Variants in TYMP observed in about 807,000 individuals in gnomAD.
The protein encoded by TYMP is gliostatin.
A neutral mutation model predicts 42.3 loss-of-function variants in TYMP; 46 were observed. That is an observed-to-expected ratio of 1.09 (90% CI 0.86 to 1.39). The LOEUF is 1.39. Among genes scored for constraint, TYMP ranks in the 40% most tolerant of loss-of-function variants. The pLI is 0.00. For missense variants in TYMP, 837 were observed against 677.6 expected (o/e 1.24, Z -2.61); for synonymous variants, 363 against 308.0 (o/e 1.18, Z -1.87).
Position 50,526,131 on chromosome 22 carries a change from C to T in TYMP, c.1170G>A (p.Glu390=), listed in dbSNP as rs863224248. 1.5e-5 allele frequency: 22 copies of T among 1,488,364 alleles called. No homozygotes were observed. Among genetic ancestry groups the T allele is most frequent in the Non-Finnish European group, 2.0e-5 (22 of 1,127,054 alleles). 92.2% of individuals were successfully genotyped at this position (1,488,364 alleles called of 1,614,324 possible). A position where few individuals can be genotyped will look rare whatever the true frequency, so the allele number is the denominator to read the frequency against. ...ELLAPADGTV[E]LVRALPLALV... ...GCGCCAGCGGCAGCGCCCGGACCAG[C>T]TCCACGGTGCCTGCGGGGAGAGGGG... Residue 390 remains glutamate, a synonymous_variant, in exon 9 of 10, where the codon GAG becomes GAA. Coordinates refer to ENST00000252029, the MANE Select transcript of TYMP (RefSeq NM_001953.5).
intron 7 of TYMP, 28 bp from the exon 8 acceptor site, chr22:50,526,504 G>T (rs1396138516): frequency 6.6e-7 from 1 of 1,521,708 alleles, no homozygotes; most frequent in Admixed American, 2.0e-5. Context: ...TCTTAGGCGC[G>T]GCCGGGTCGG....
chr22:50,528,077 T>C (rs2069461508), intron 4 of TYMP: 1 of 394,342 alleles, frequency 2.5e-6, no homozygotes, highest in East Asian at 6.1e-5. Flanking sequence ...AGTGGCATCG[T>C]CCCGGCTCAC....
In TYMP at chr22:50,526,639, C is replaced by T. The variant is rs946234163; in HGVS notation, c.865G>A (p.Glu289Lys). 2.5e-6 allele frequency: 4 copies of T among 1,569,858 alleles called. No homozygotes were observed. Among genetic ancestry groups the T allele is most frequent in the South Asian group, 1.2e-5 (1 of 85,902 alleles). Residue 289 changes from glutamate to lysine, a missense_variant, in exon 7 of 10, where the codon GAG becomes AAG. By Grantham distance (56) the Glu-to-Lys change is moderately conservative (BLOSUM62 1). Transcript: ENST00000252029. ...GCGCCGTCCATGCAGAGCAGCGCCTCCTCCACCTCCAGGGCGTGGCCCACG... is the reference window on the plus strand; with the variant it reads ...GCGCCGTCCATGCAGAGCAGCGCCTTCTCCACCTCCAGGGCGTGGCCCACG... ...RCVGHALEVE[E>K]ALLCMDGAGP...
intron 7 of TYMP, 37 bp downstream of exon 7, chr22:50,526,539 C>T: frequency 6.5e-7 from 1 of 1,545,618 alleles, no homozygotes; most frequent in African/African-American, 1.4e-5. Context: ...GAAGCACCCC[C>T]CGCCGCCTCC....
chr22:50,529,379 G>A (rs376211586), intron 2 of TYMP, 41 bp from the exon 3 acceptor site: 3 of 1,609,354 alleles, frequency 1.9e-6, no homozygotes, highest in Non-Finnish European at 1.7e-6. Flanking sequence ...AGCCCACAGC[G>A]GTGGGGCACC....
chr22:50,526,743 G>A lies in TYMP; in HGVS notation c.766-5C>T, dbSNP rs1444378404. ...TAGGCTGGCTCCCACGCCAACCTGCGGAGAGGAGGCTCAGCGTGGACCCCC... is the reference window on the plus strand; with the variant it reads ...TAGGCTGGCTCCCACGCCAACCTGCAGAGAGGAGGCTCAGCGTGGACCCCC... On this transcript the variant is annotated splice_polypyrimidine_tract_variant and splice_region_variant and intron_variant, in intron 6 of 9. Transcript: ENST00000252029. 2.0e-6 allele frequency: 3 copies of A among 1,534,906 alleles called. No individual in the cohort carries two copies. Among genetic ancestry groups the A allele is most frequent in the African/African-American group, 2.7e-5 (2 of 72,996 alleles).
intron 4 of TYMP, chr22:50,527,968 T>C: frequency 1.9e-6 from 1 of 516,016 alleles, no homozygotes; most frequent in Admixed American, 3.5e-5. Context: ...TTTGTAGAGA[T>C]CAAGTTTCAC....
Position 50,529,317 on chromosome 22 carries a change from C to G in TYMP, c.236G>C (p.Arg79Pro), listed in dbSNP as rs751450304. The G allele has an allele frequency of 1.2e-6, 2 of 1,613,230 alleles. No individual in the cohort carries two copies. The highest frequency in any genetic ancestry group is 2.7e-5 in the African/African-American group (2 of 74,928). Residue 79 changes from arginine (R) to proline (P), a missense_variant, in exon 3 of 10, where the codon CGA becomes CCA. Physicochemically the swap from Arg to Pro is moderately radical, Grantham distance 103. Coordinates refer to ENST00000252029, the MANE Select transcript of TYMP (RefSeq NM_001953.5). ...CTCCTCCAGATCCATGCCCCGAAGT[C>G]GGATGGCCATCAGCATGGCCCCTGG... ...AQIGAMLMAIRLRGMDLEETS... is the reference protein window; with the variant it reads ...AQIGAMLMAIPLRGMDLEETS...
In TYMP at chr22:50,529,721, T is replaced by A; in HGVS notation, c.-10-2A>T. 1 of 1,603,848 alleles carries A rather than the reference T, an allele frequency of 6.2e-7. No individual in the cohort carries two copies. The stretch of plus-strand genomic sequence containing the variant: ...ATCAAGGCTGCCATCGCTCCGGGCC[T>A]GCGGGGATGCCTGACACGTCCGGGG... On this transcript the variant is annotated splice_acceptor_variant, in intron 1 of 9. Transcript: ENST00000252029. LOFTEE classifies it low-confidence loss of function (5UTR_SPLICE).
intron 5 of TYMP, 46 bp downstream of exon 5, chr22:50,527,542 T>G: frequency 6.2e-7 from 1 of 1,613,628 alleles, no homozygotes; most frequent in Non-Finnish European, 8.5e-7. Context: ...AGTTTGGAGG[T>G]CAGGAGCCTG....
rs1054084896 is a variant in TYMP, at chr22:50,529,598, C to G, written c.112G>C (p.Glu38Gln). ...DPSPEPKQLPELIRMKRDGGR... is the reference protein window; with the variant it reads ...DPSPEPKQLPQLIRMKRDGGR... ...CCGTCTCGCTTCATGCGGATCAGCT[C>G]CGGGAGCTGCTTGGGCTCTGGCGAA... The change falls in exon 2 of 10, where the codon GAG (glutamate) becomes CAG (glutamine). Residue 38 changes from glutamate (E) to glutamine (Q), a missense_variant. Coordinates refer to ENST00000252029, the MANE Select transcript of TYMP (RefSeq NM_001953.5). The G allele has an allele frequency of 2.5e-6, 4 of 1,613,112 alleles. No homozygotes were observed. The highest frequency in any genetic ancestry group is 3.4e-6 in the Non-Finnish European group (4 of 1,179,904).
At position 50,526,427 on chromosome 22, in the gene TYMP, G is replaced by C. The variant is rs749713507; in HGVS notation, c.978C>G (p.Gly326=). 7 of 1,504,982 alleles carry C rather than the reference G, an allele frequency of 4.7e-6. No individual in the cohort carries two copies. Among genetic ancestry groups the C allele is most frequent in the Non-Finnish European group, 6.2e-6 (7 of 1,136,250 alleles). 93.2% of individuals were successfully genotyped at this position (1,504,982 alleles called of 1,614,324 possible). A position where few individuals can be genotyped will look rare whatever the true frequency, so the allele number is the denominator to read the frequency against. Residue 326 remains glycine, a synonymous_variant, in exon 8 of 10, where the codon GGC becomes GGG. Coordinates refer to ENST00000252029, the MANE Select transcript of TYMP (RefSeq NM_001953.5). The part of the protein sequence containing the change: ...LSGHAGTQAQ[G]AARVAAALDD... ...CCAGCGCCGCGGCCACCCGGGCAGC[G>C]CCCTGGGCCTGAGTCCCCGCGTGTC...
At chr22:50,529,046 GC>G in intron 3 of TYMP, 89 bp downstream of exon 3, 1 of 1,370,660 alleles carries the variant, frequency 7.3e-7, no homozygotes, top group South Asian at 1.2e-5. Flanking sequence ...GAGGCTTTGG[GC>G]CAGGCTTGAG....
Position 50,529,542 on chromosome 22 carries a change from G to A in TYMP, c.168C>T (p.Gly56=). ...GGRLSEADIR[G]FVAAVVNGSA... ...TCCCATTCACCACAGCGGCCACGAA[G>A]CCCCTGATGTCCGCTTCGCTCAGGC... Residue 56 remains glycine (G), a synonymous_variant, in exon 2 of 10, where the codon GGC becomes GGT. Transcript: ENST00000252029. The A allele has an allele frequency of 6.2e-7, 1 of 1,613,138 alleles. No individual in the cohort carries two copies. Among genetic ancestry groups the A allele is most frequent in the Non-Finnish European group, 8.5e-7 (1 of 1,179,934 alleles).
rs929612301 is a variant in TYMP at position 50,528,954 on chromosome 22, G to T, written c.417+182C>A. 8.5e-6 allele frequency: 6 copies of T among 707,912 alleles called. No individual in the cohort carries two copies. In the South Asian group the frequency reaches 9.8e-5, roughly 12 times the overall value. 43.9% of individuals were successfully genotyped at this position (707,912 alleles called of 1,614,324 possible). On this transcript the variant is annotated intron_variant, in intron 3 of 9. Coordinates refer to ENST00000252029, the MANE Select transcript of TYMP (RefSeq NM_001953.5). Reference sequence around the variant, plus strand: ...AAGGGGCCTGGTCTGGAGCCAGAGGGGCCCCAAGCGCTGTGCTGGGGAACG... The same window carrying T: ...AAGGGGCCTGGTCTGGAGCCAGAGGTGCCCCAAGCGCTGTGCTGGGGAACG...
Position 50,528,588 on chromosome 22 carries a change from C to G in TYMP, c.440G>C (p.Gly147Ala). The G allele has an allele frequency of 6.2e-7, 1 of 1,613,834 alleles. No individual in the cohort carries two copies. Among genetic ancestry groups the G allele is most frequent in the Non-Finnish European group, 8.5e-7 (1 of 1,179,966 alleles). ...CAAGGTGCCTCCTGTGTGCCCCAGA[C>G]CACGTCCGCTGATCATTGGCACCTG... ...GCKVPMISGR[G>A]LGHTGGTLDK... The change falls in exon 4 of 10, where the codon GGT becomes GCT. Residue 147 changes from glycine to alanine, a missense_variant. By Grantham distance (60) the Gly-to-Ala change is moderately conservative. Transcript: ENST00000252029.
rs1234223900 is a variant in TYMP at position 50,526,321 on chromosome 22, A to T, written c.1084T>A (p.Ser362Thr). The change falls in exon 8 of 10, where the codon TCG becomes ACG. Residue 362 changes from serine to threonine, a missense_variant. Coordinates refer to ENST00000252029, the MANE Select transcript of TYMP (RefSeq NM_001953.5). Reference sequence around the variant, plus strand: ...TGCCGGCGTTCTGCGGGACTTCCCGAGCACAGGGCTCGGGCCAGACCGGGA... The same window carrying T: ...TGCCGGCGTTCTGCGGGACTTCCCGTGCACAGGGCTCGGGCCAGACCGGGA... ...VDPGLARALC[S>T]GSPAERRQLL... The T allele has an allele frequency of 1.3e-6, 2 of 1,562,630 alleles. No homozygotes were observed. The highest frequency in any genetic ancestry group is 3.5e-5 in the Admixed American group (2 of 56,508).
At chr22:50,527,116 G>C (rs766670520) in intron 6 of TYMP, 49 bp downstream of exon 6, 265 of 1,459,526 alleles carry the variant, frequency 1.8e-4, no homozygotes, top group Non-Finnish European at 2.5e-4. Flanking sequence ...TGAAGGGTAG[G>C]CTGGGCCCGC....
In TYMP at chr22:50,525,907, GC is replaced by G. The variant is rs1064792889; in HGVS notation, c.1311del (p.Trp437CysfsTer?). ...GCGGGGCCGTCCCGGTGCACGCGGA[GC>G]CAGGGGGTCCCTGCAGAGCGAGGGG... ...VGQRLRRGTP[W>X]LRVHRDGPAL... On this transcript the variant is annotated frameshift_variant, in exon 10 of 10. Coordinates refer to ENST00000252029, the MANE Select transcript of TYMP (RefSeq NM_001953.5). LOFTEE classifies it low-confidence loss of function (END_TRUNC). The G allele has an allele frequency of 6.5e-7, 1 of 1,545,936 alleles. No homozygotes were observed. The highest frequency in any genetic ancestry group is 8.7e-7 in the Non-Finnish European group (1 of 1,148,328).
Sources: gnomAD v4.1 joint callset for allele counts on GRCh38, gnomAD v4.1.1 for gene constraint, MANE v1.5 for transcripts, NCBI Gene and HGNC (gene_info 2026-07-23, HGNC 2026-07-21) for gene names.